The following CACNA2D4 variants were observed in gnomAD, a reference collection of about 807,000 sequenced individuals.
The protein encoded by CACNA2D4 is calcium voltage-gated channel auxiliary subunit alpha2delta 4.
In CACNA2D4, 157 loss-of-function variants were observed where a neutral mutation model predicts 163.8. That is an observed-to-expected ratio of 0.96 (90% CI 0.84 to 1.09). The LOEUF (loss-of-function observed/expected upper bound fraction) is 1.09. Ranked by LOEUF, CACNA2D4 falls within the 50% of genes least tolerant of loss-of-function variation. CACNA2D4 has a pLI of 0.00. For synonymous variants in CACNA2D4, 598 were observed against 586.9 expected (o/e 1.02, Z -0.27); for missense variants, 1,410 against 1,479.9 (o/e 0.95, Z 0.78).
chr12:1,861,194 C>T (rs566274034), intron 18 of CACNA2D4, among the ~76,000 whole-genome samples: 15 of 152,188 alleles, frequency 9.9e-5, no homozygotes, highest in African/African-American at 2.2e-4. Context: ...AGAGAGAGGA[C>T]GGCAACAAAA....
chr12:1,796,146 C>G (rs1183390644), intron 35 of CACNA2D4, among the ~76,000 whole-genome samples: 2 of 152,212 alleles, frequency 1.3e-5, no homozygotes, highest in African/African-American at 2.4e-5. Context: ...GTGAGGGTGG[C>G]GGGGGCAGGC....
At chr12:1,815,967 C>CGTTG (rs1430221519) in intron 26 of CACNA2D4, among the ~76,000 whole-genome samples, 1 of 152,144 alleles carries the variant, frequency 6.6e-6, no homozygotes, top group Admixed American at 6.5e-5. Context: ...ATATATTTAC[C>CGTTG]AGTGAGTCAA....
intron 26 of CACNA2D4, among the ~76,000 whole-genome samples, chr12:1,815,999 C>T (rs1433016332): frequency 3.9e-5 from 6 of 152,180 alleles, no homozygotes; most frequent in South Asian, 2.1e-4. Context: ...CGTGCCCAAC[C>T]GCTTGCATCC....
At chr12:1,811,320 T>A (rs566381776) in intron 27 of CACNA2D4, among the ~76,000 whole-genome samples, 1 of 152,298 alleles carries the variant, frequency 6.6e-6, no homozygotes, top group East Asian at 1.9e-4. Context: ...GCCGCTGTCG[T>A]CTCTGGCATC....
rs76127669 is a variant in CACNA2D4 at position 1,904,670 on chromosome 12, A to G, written c.781+2770T>C. Among the ~76,000 whole-genome samples the G allele has an allele frequency of 7.0e-4, 106 of 152,210 alleles. 5 individuals are homozygous for G. The East Asian group carries it at 0.016, about 24-fold the overall frequency. ...TGTTATTGAAGTTAAGCTGTTATAA[A>G]TCCAAATTAGAATGTTATAATTTTA... On this transcript the variant is annotated intron_variant, in intron 6 of 37. Transcript: ENST00000382722.
intron 30 of CACNA2D4, 43 bp from the exon 31 acceptor site, chr12:1,801,161 C>A: frequency 6.5e-7 from 1 of 1,540,600 alleles, no homozygotes; most frequent in Non-Finnish European, 9.0e-7. Context: ...AAGCCACCCC[C>A]ACCCCCTGCC....
At chr12:1,918,161 A>G (rs1661483537) in intron 1 of CACNA2D4, 86 bp downstream of exon 1, 3 of 935,256 alleles carry the variant, frequency 3.2e-6, no homozygotes, top group Middle Eastern at 4.3e-4. Flanking sequence ...GGGCGGGAGG[A>G]GTGGGCAGAG....
At chr12:1,871,237 GTGC>G (rs1378072926) in intron 18 of CACNA2D4, among the ~76,000 whole-genome samples, 1 of 150,220 alleles carries the variant, frequency 6.7e-6, no homozygotes, top group African/African-American at 2.5e-5. Flanking sequence ...GTGTACACAT[GTGC>G]TGCTGGTGTG....
rs1866055528 is a variant in CACNA2D4, at chr12:1,883,512, C to T, written c.1352-512G>A. On this transcript the variant is annotated intron_variant, in intron 12 of 37. Transcript: ENST00000382722. The surrounding 1 kb of genome is among the most constrained non-coding windows in gnomAD (Gnocchi z 4.5). ...CTGGAACCATGGTGACACTCCAAAG[C>T]GCAGATGGCGCAGAAGGCTGTGAAT... Among the ~76,000 whole-genome samples, 1 of 152,190 alleles carries T rather than the reference C, an allele frequency of 6.6e-6. No homozygotes were observed. The highest frequency in any genetic ancestry group is 1.5e-5 in the Non-Finnish European group (1 of 68,032).
Position 1,858,642 on chromosome 12 carries a change from A to C in CACNA2D4, c.1943T>G (p.Leu648Trp). Residue 648 changes from leucine (L) to tryptophan (W), a missense_variant and splice_region_variant, in exon 20 of 38, where the codon TTG becomes TGG. Transcript: ENST00000382722. ...GTGGCCCCGGGACAGCACCACCCCCAAACTGTGGGGAGAGAAGAGAAGGCA... is the reference window on the plus strand; with the variant it reads ...GTGGCCCCGGGACAGCACCACCCCCCAACTGTGGGGAGAGAAGAGAAGGCA... Reference protein sequence around the residue: ...FTDISDTPFSLGVVLSRGHGE... With the variant: ...FTDISDTPFSWGVVLSRGHGE... 2 of 1,599,068 alleles carry C rather than the reference A, an allele frequency of 1.3e-6. No homozygotes were observed. The highest frequency in any genetic ancestry group is 1.7e-6 in the Non-Finnish European group (2 of 1,172,208).
intron 26 of CACNA2D4, among the ~76,000 whole-genome samples, chr12:1,832,678 A>G (rs570842415): frequency 6.6e-6 from 1 of 152,238 alleles, no homozygotes; most frequent in Non-Finnish European, 1.5e-5. Context: ...GTTAGTCACT[A>G]TGATCATTTC....
chr12:1,882,400 T>C (rs1866024855), intron 13 of CACNA2D4, among the ~76,000 whole-genome samples: 1 of 152,184 alleles, frequency 6.6e-6, no homozygotes, highest in Non-Finnish European at 1.5e-5. Context: ...CATGTGAAGC[T>C]CTCCCTTTGA....
Position 1,869,309 on chromosome 12 carries a change from C to T in CACNA2D4, c.1878+5295G>A, listed in dbSNP as rs534977429. Among the ~76,000 whole-genome samples, 3 of 152,326 alleles carry T rather than the reference C, an allele frequency of 2.0e-5. No homozygotes were observed. The highest frequency in any genetic ancestry group is 7.2e-5 in the African/African-American group (3 of 41,560). On this transcript the variant is annotated intron_variant, in intron 18 of 37. Transcript: ENST00000382722. The surrounding 1 kb of genome is among the most constrained non-coding windows in gnomAD (Gnocchi z 4.7). ...TGCACACTGAAGTCCGCACAGAATA[C>T]CAGGCTCTGCCACTCTTTGCTGTAA...
Position 1,834,060 on chromosome 12 carries a change from C to T in CACNA2D4, c.2551+6679G>A, listed in dbSNP as rs912399535. Among the ~76,000 whole-genome samples the T allele has an allele frequency of 8.5e-5, 13 of 152,204 alleles. No individual in the cohort carries two copies. The highest frequency in any genetic ancestry group is 6.5e-4 in the Admixed American group (10 of 15,284). On this transcript the variant is annotated intron_variant, in intron 26 of 37. Transcript: ENST00000382722. The surrounding 1 kb of genome is among the most constrained non-coding windows in gnomAD (Gnocchi z 7.6). ...TGGCTTCTGCGAGGATGAAATGGCA[C>T]GATATACGTAACTCACTGTGGACTT...
intron 1 of CACNA2D4, chr12:1,915,342 G>T: frequency 1.5e-6 from 1 of 677,504 alleles, no homozygotes; most frequent in Non-Finnish European, 2.7e-6. Flanking sequence ...GACGAGCCCA[G>T]GACTGAGCTT....
chr12:1,846,742 G>A, intron 23 of CACNA2D4, 53 bp from the exon 24 acceptor site: 1 of 1,433,322 alleles, frequency 7.0e-7, no homozygotes, highest in Non-Finnish European at 9.5e-7. Context: ...GCAAGAGCTT[G>A]GGGGCGACCT....
At chr12:1,855,941 C>A (rs1402223525) in intron 22 of CACNA2D4, 71 bp downstream of exon 22, 3 of 1,209,134 alleles carry the variant, frequency 2.5e-6, no homozygotes, top group Non-Finnish European at 3.7e-6. Context: ...GCCTTCCCAC[C>A]TCTCCTGGCA....
intron 31 of CACNA2D4, 107 bp from the exon 32 acceptor site, chr12:1,800,545 G>A: frequency 9.0e-6 from 10 of 1,107,728 alleles, no homozygotes; most frequent in Non-Finnish European, 1.4e-5. Context: ...GGGCTGCCCT[G>A]CCACTGGGAG....
chr12:1,849,604 A>AT (rs1358853037), intron 23 of CACNA2D4, among the ~76,000 whole-genome samples: 1 of 152,178 alleles, frequency 6.6e-6, no homozygotes, highest in East Asian at 1.9e-4. Context: ...TAGATAAAGC[A>AT]TTTATATGGT....
Sources: allele counts gnomAD v4.1 joint callset (sites outside exome capture counted in the v4.1 genomes callset), GRCh38; gene constraint gnomAD v4.1.1; non-coding constraint Gnocchi (gnomAD v3.1); transcripts MANE v1.5; gene names NCBI Gene and HGNC (gene_info 2026-07-23, HGNC 2026-07-21).